The following MBNL1 variants were observed in gnomAD, a reference collection of about 807,000 sequenced individuals.
MBNL1 encodes muscleblind-like protein 1.
In MBNL1, 8 loss-of-function variants were observed where a neutral mutation model predicts 42.2. The ratio of observed to expected loss-of-function variants is 0.19; its 90% CI spans 0.11 to 0.34. The LOEUF (loss-of-function observed/expected upper bound fraction) is 0.34, where lower values mean the gene tolerates loss of function less well. Ranked by LOEUF, MBNL1 falls within the 10% of genes least tolerant of loss-of-function variation. The probability of loss-of-function intolerance (pLI) is 1.00; values close to 1 mark genes in which losing one functional copy is unlikely to be tolerated. For synonymous variants in MBNL1, 169 were observed against 173.9 expected (o/e 0.97, Z 0.22); for missense variants, 309 against 495.3 (o/e 0.62, Z 3.57).
intron 4 of MBNL1, among the ~76,000 whole-genome samples, chr3:152,438,801 A>G (rs557315269): frequency 2.6e-5 from 4 of 152,302 alleles, no homozygotes; most frequent in Non-Finnish European, 5.9e-5. Flanking sequence ...GTTTTTTGTG[A>G]AACTTAATTA....
intron 2 of MBNL1, among the ~76,000 whole-genome samples, chr3:152,372,060 T>C (rs1338078408): frequency 6.6e-6 from 1 of 152,240 alleles, no homozygotes; most frequent in Non-Finnish European, 1.5e-5. Context: ...TGATCTTCAA[T>C]CTCTGATATC....
chr3:152,442,291 G>A (rs2099155192), intron 4 of MBNL1, among the ~76,000 whole-genome samples: 1 of 152,106 alleles, frequency 6.6e-6, no homozygotes, highest in Admixed American at 6.5e-5. Context: ...GATGAAATTT[G>A]ATGCAGCCAT....
At position 152,397,934 on chromosome 3, in the gene MBNL1, GATT is replaced by G. The variant is rs942343729; in HGVS notation, c.175-16997_175-16995del. Among the ~76,000 whole-genome samples the G allele has an allele frequency of 2.6e-4, 39 of 152,212 alleles. 1 individual carries two copies. The highest frequency in any genetic ancestry group is 9.1e-4 in the African/African-American group (38 of 41,532). Reference sequence around the variant, plus strand: ...TCAGCCAATTTTCTACTCTTTCAGAGATTATTATTATTTAAAACAAATTCACTT... The same window carrying G: ...TCAGCCAATTTTCTACTCTTTCAGAGATTATTATTTAAAACAAATTCACTT... On this transcript the variant is annotated intron_variant, in intron 2 of 9. Transcript: ENST00000324210.
At chr3:152,415,139 T>G (rs1560504133) in intron 3 of MBNL1, 28 bp downstream of exon 3, 4 of 1,537,416 alleles carry the variant, frequency 2.6e-6, no homozygotes, top group Non-Finnish European at 2.6e-6. Context: ...CTTCACTCAT[T>G]AAGTTTTTGA....
intron 2 of MBNL1, among the ~76,000 whole-genome samples, chr3:152,399,614 G>A (rs1015464115): frequency 6.6e-6 from 1 of 151,818 alleles, no homozygotes; most frequent in African/African-American, 2.4e-5. Flanking sequence ...TTGGGCTTAA[G>A]CAATTCTCCC....
chr3:152,443,348 T>G (rs557797629), intron 4 of MBNL1, among the ~76,000 whole-genome samples: 2 of 152,270 alleles, frequency 1.3e-5, no homozygotes, highest in South Asian at 4.1e-4. Flanking sequence ...CAGGAATTAC[T>G]GAGGGAGCAA....
intron 4 of MBNL1, among the ~76,000 whole-genome samples, chr3:152,440,796 C>T (rs1338253530): frequency 6.6e-6 from 1 of 152,134 alleles, no homozygotes; most frequent in Non-Finnish European, 1.5e-5. Flanking sequence ...ATTATAAACT[C>T]ATGATCAGCG....
intron 1 of MBNL1, among the ~76,000 whole-genome samples, chr3:152,290,721 A>G (rs1305778134): frequency 7.9e-5 from 12 of 152,180 alleles, no homozygotes; most frequent in Admixed American, 7.9e-4. Flanking sequence ...TATGAAAACT[A>G]TGATTTTGGC....
At chr3:152,437,755 T>C (rs973422304) in intron 4 of MBNL1, among the ~76,000 whole-genome samples, 50 of 148,470 alleles carry the variant, frequency 3.4e-4, no homozygotes, top group African/African-American at 1.2e-3. Flanking sequence ...TGCCAAGTAC[T>C]TTCTGTACTC....
At chr3:152,448,369 G>A (rs987722355) in intron 6 of MBNL1, among the ~76,000 whole-genome samples, 1 of 152,074 alleles carries the variant, frequency 6.6e-6, no homozygotes, top group Non-Finnish European at 1.5e-5. Flanking sequence ...TGTGGTTTCA[G>A]CTTATTTTCA....
At chr3:152,378,209 T>C (rs2097001417) in intron 2 of MBNL1, among the ~76,000 whole-genome samples, 1 of 151,922 alleles carries the variant, frequency 6.6e-6, no homozygotes, top group Admixed American at 6.6e-5. Context: ...ATTCACTAGG[T>C]GTGTTTTCTA....
chr3:152,351,189 T>C (rs553002440), intron 2 of MBNL1, among the ~76,000 whole-genome samples: 131 of 152,276 alleles, frequency 8.6e-4, no homozygotes, highest in African/African-American at 3.0e-3. Context: ...TATAATTCAT[T>C]GTAATAAGTA....
At chr3:152,298,521 T>A (rs568752323) in intron 1 of MBNL1, among the ~76,000 whole-genome samples, 2 of 152,234 alleles carry the variant, frequency 1.3e-5, no homozygotes, top group African/African-American at 2.4e-5. Flanking sequence ...ACTTTCTCCC[T>A]TGAGGTTGAC....
chr3:152,321,559 C>T (rs1560136108), intron 2 of MBNL1, among the ~76,000 whole-genome samples: 1 of 152,026 alleles, frequency 6.6e-6, no homozygotes. Context: ...AACAGTGAGC[C>T]TCTTGTTCAT....
chr3:152,387,147 A>G (rs977950801), intron 2 of MBNL1, among the ~76,000 whole-genome samples: 3 of 152,054 alleles, frequency 2.0e-5, no homozygotes, highest in African/African-American at 4.8e-5. Context: ...AGGAAGATCT[A>G]TCTTACAGCC....
At chr3:152,432,945 T>C (rs2099025241) in intron 4 of MBNL1, 25 bp downstream of exon 4, 1 of 1,574,106 alleles carries the variant, frequency 6.4e-7, no homozygotes. Flanking sequence ...TTGGTGTCTT[T>C]ATATACTACA....
chr3:152,423,362 C>T (rs1015712671), intron 3 of MBNL1, among the ~76,000 whole-genome samples: 3 of 152,150 alleles, frequency 2.0e-5, no homozygotes, highest in African/African-American at 7.2e-5. Flanking sequence ...ACACGTACAG[C>T]CTCCCAAGAC....
intron 2 of MBNL1, among the ~76,000 whole-genome samples, chr3:152,255,209 A>G (rs2035280608): frequency 6.6e-6 from 1 of 152,164 alleles, no homozygotes; most frequent in Admixed American, 6.6e-5. Context: ...ATTGATGGTT[A>G]CAAGGCTCCC....
chr3:152,422,426 T>G (rs11921140), intron 3 of MBNL1, among the ~76,000 whole-genome samples: 10,839 of 152,192 alleles, frequency 0.071, 508 homozygotes, highest in Middle Eastern at 0.16. Context: ...ATGCACCTAA[T>G]ACAGAAGCAC....
Sources: allele counts gnomAD v4.1 joint callset (sites outside exome capture counted in the v4.1 genomes callset), GRCh38; gene constraint gnomAD v4.1.1; transcripts MANE v1.5; gene names NCBI Gene and HGNC (gene_info 2026-07-23, HGNC 2026-07-21).